KIF4A: variants seen among roughly 807,000 people sequenced by gnomAD.
KIF4A encodes the protein kinesin family member 4A, also known as chromosome-associated kinesin KIF4A.
KIF4A carries 7 observed loss-of-function variants against 105.9 expected under a neutral mutation model. The observed-to-expected ratio is 0.07, with a 90% CI of 0.04 to 0.12. The LOEUF (loss-of-function observed/expected upper bound fraction) is 0.12. Ranked by LOEUF, KIF4A falls within the 10% of genes least tolerant of loss-of-function variation. The probability of loss-of-function intolerance (pLI) is 1.00; values close to 1 mark genes in which losing one functional copy is unlikely to be tolerated. For synonymous variants in KIF4A, 281 were observed against 331.3 expected, an observed-to-expected ratio of 0.85 and a Z score of 1.65; for missense variants, 558 against 929.2, an observed-to-expected ratio of 0.60 and a Z score of 5.19.
chrX:70,371,659 C>G (rs1296575987), intron 15 of KIF4A, among the ~76,000 whole-genome samples: 1 of 104,933 alleles, frequency 9.5e-6, no homozygotes, highest in Admixed American at 9.8e-5. Flanking sequence ...GGGGGCTGAC[C>G]CCCCTACCTC....
At chrX:70,335,417 T>A (rs933202196) in intron 10 of KIF4A, among the ~76,000 whole-genome samples, 2 of 112,043 alleles carry the variant, frequency 1.8e-5, no homozygotes, top group Non-Finnish European at 3.8e-5. Flanking sequence ...GTTTAATGGG[T>A]ATAGAATTTT....
chrX:70,402,634 G>T lies in KIF4A; in HGVS notation c.2558G>T (p.Arg853Leu), dbSNP rs746727117. 7 of 1,210,256 alleles carry T rather than the reference G, an allele frequency of 5.8e-6. No homozygotes were observed. The highest frequency in any genetic ancestry group is 7.8e-6 in the Non-Finnish European group (7 of 895,196). The change falls in exon 23 of 31, where the codon CGC (arginine) becomes CTC (leucine). Residue 853 changes from arginine to leucine, a missense_variant. Coordinates refer to ENST00000374403, the MANE Select transcript of KIF4A (RefSeq NM_012310.5). ...DAESEDRPKQ[R>L]WENIATILEA... Reference sequence around the variant, plus strand: ...GAAAGTGAAGACAGACCAAAACAACGCTGGGAGAATATTGCCACCATTCTG... The same window carrying T: ...GAAAGTGAAGACAGACCAAAACAACTCTGGGAGAATATTGCCACCATTCTG...
chrX:70,361,057 G>A (rs771211135), intron 15 of KIF4A, among the ~76,000 whole-genome samples: 3 of 112,759 alleles, frequency 2.7e-5, no homozygotes, highest in Non-Finnish European at 5.6e-5. Context: ...GCCACAGCAA[G>A]GGCAGAGGGA....
chrX:70,360,944 GT>G (rs1163158017), intron 15 of KIF4A, among the ~76,000 whole-genome samples: 1 of 112,966 alleles, frequency 8.9e-6, no homozygotes, highest in Non-Finnish European at 1.9e-5. Context: ...CCATGGGAAT[GT>G]GCACGTTGGA....
chrX:70,318,695 T>G, intron 7 of KIF4A, among the ~76,000 whole-genome samples: 1 of 112,215 alleles, frequency 8.9e-6, no homozygotes. Flanking sequence ...TTTATTATGG[T>G]TTTAAGTTTC....
chrX:70,392,957 TC>T (rs199933500), intron 20 of KIF4A, among the ~76,000 whole-genome samples: 6,477 of 99,771 alleles, frequency 0.065, 189 homozygotes, highest in Middle Eastern at 0.098. Flanking sequence ...GCCTCCTGGA[TC>T]TTTTTTTTTT....
chrX:70,290,997 T>C (rs951219388), intron 3 of KIF4A, among the ~76,000 whole-genome samples, 192 bp downstream of exon 3: 2 of 111,429 alleles, frequency 1.8e-5, no homozygotes, highest in Non-Finnish European at 3.8e-5. Flanking sequence ...GTATTTGCTT[T>C]ATGTGGTTCT....
At chrX:70,326,314 C>T (rs759937667) in intron 7 of KIF4A, among the ~76,000 whole-genome samples, 12 of 111,567 alleles carry the variant, frequency 1.1e-4, no homozygotes, top group Non-Finnish European at 1.9e-4. Context: ...TGGCCTTTAC[C>T]CGATGAATGC....
At chrX:70,353,841 T>G in intron 15 of KIF4A, 34 bp downstream of exon 15, 1 of 1,044,776 alleles carries the variant, frequency 9.6e-7, no homozygotes, top group Non-Finnish European at 1.3e-6. Context: ...TTTGTTCATG[T>G]CTACAGTCTC....
Position 70,376,159 on chromosome X carries a change from T to C in KIF4A, c.1983T>C (p.Phe661=). ...MRQMKEDAEK[F]RQWKQKKDKE... is the part of the protein sequence containing the mutation. Reference sequence around the variant, plus strand: ...AAATGAAAGAAGATGCTGAGAAGTTTAGACAGTGGAAGCAGAAAAAAGACA... The same window carrying C: ...AAATGAAAGAAGATGCTGAGAAGTTCAGACAGTGGAAGCAGAAAAAAGACA... Residue 661 remains phenylalanine, a synonymous_variant, in exon 18 of 31, where the codon TTT becomes TTC. Transcript: ENST00000374403. 2 of 1,207,463 alleles carry C rather than the reference T, an allele frequency of 1.7e-6. No individual in the cohort carries two copies. The highest frequency in any genetic ancestry group is 2.2e-6 in the Non-Finnish European group (2 of 891,837).
At chrX:70,402,474 C>T in intron 22 of KIF4A, 92 bp from the exon 23 acceptor site, 1 of 1,001,657 alleles carries the variant, frequency 1.0e-6, no homozygotes, top group East Asian at 3.1e-5. Context: ...TAGCTCCATC[C>T]ATAAAATTAT....
intron 30 of KIF4A, 75 bp downstream of exon 30, chrX:70,419,858 G>A: frequency 8.6e-7 from 1 of 1,164,805 alleles, no homozygotes; most frequent in Non-Finnish European, 1.2e-6. Context: ...GAGACCAGTA[G>A]GAGAGAGGCA....
intron 18 of KIF4A, among the ~76,000 whole-genome samples, chrX:70,385,689 T>C (rs747889827): frequency 1.8e-5 from 2 of 111,562 alleles, no homozygotes; most frequent in Non-Finnish European, 3.8e-5. Flanking sequence ...CCAGATTGGA[T>C]TGGAACAAGT....
At chrX:70,336,751 T>C (rs1364652059) in intron 10 of KIF4A, among the ~76,000 whole-genome samples, 1 of 111,890 alleles carries the variant, frequency 8.9e-6, no homozygotes, top group African/African-American at 3.3e-5. Context: ...AAAATATACA[T>C]AACATAAAAT....
At chrX:70,324,123 C>T (rs746994458) in intron 7 of KIF4A, among the ~76,000 whole-genome samples, 2 of 111,816 alleles carry the variant, frequency 1.8e-5, no homozygotes, top group South Asian at 3.7e-4. Context: ...CATACCCGAC[C>T]AATATTTATA....
chrX:70,336,226 T>C (rs1444873483), intron 10 of KIF4A, among the ~76,000 whole-genome samples: 2 of 112,190 alleles, frequency 1.8e-5, no homozygotes, highest in Non-Finnish European at 1.9e-5. Context: ...ATTGTGGACA[T>C]GTGCCATACA....
At chrX:70,363,272 T>C (rs1392277558) in intron 15 of KIF4A, among the ~76,000 whole-genome samples, 3 of 111,033 alleles carry the variant, frequency 2.7e-5, no homozygotes, top group African/African-American at 9.9e-5. Context: ...ACTGTAAGTT[T>C]TAGGGTACAG....
At chrX:70,408,423 A>G (rs1007026280) in intron 28 of KIF4A, among the ~76,000 whole-genome samples, 1 of 112,186 alleles carries the variant, frequency 8.9e-6, no homozygotes, top group Non-Finnish European at 1.9e-5. Context: ...TTCTTATACA[A>G]TGATAGTCCT....
At chrX:70,334,338 T>C (rs918081806) in intron 10 of KIF4A, among the ~76,000 whole-genome samples, 5 of 112,168 alleles carry the variant, frequency 4.5e-5, no homozygotes, top group Non-Finnish European at 9.4e-5. Flanking sequence ...CTTTCATCTA[T>C]ATTTTTGTAT....
Sources: allele counts gnomAD v4.1 joint callset (sites outside exome capture counted in the v4.1 genomes callset), GRCh38; gene constraint gnomAD v4.1.1; transcripts MANE v1.5; gene names NCBI Gene and HGNC (gene_info 2026-07-23, HGNC 2026-07-21).